PCED1B: variants seen among roughly 807,000 people sequenced by gnomAD.
PCED1B encodes PC-esterase domain-containing protein 1B.
For synonymous variants in PCED1B, 251 were observed against 246.1 expected (o/e 1.02, Z -0.19); for missense variants, 573 against 573.9 (o/e 1.00, Z 0.02).
At position 47,235,553 on chromosome 12, in the gene PCED1B, A is replaced by T. The variant is rs1339693639; in HGVS notation, c.490A>T (p.Thr164Ser). Residue 164 changes from threonine to serine, a missense_variant, in exon 4 of 4, where the codon ACG becomes TCG. Transcript: ENST00000546455. ...CGAGTCTTGCCTCCTGGTGTGGAAC[A>T]CGGCCATGCCTGTGGGCGAGGAAGT... ...LPESCLLVWN[T>S]AMPVGEEVTG... The T allele has an allele frequency of 6.2e-7, 1 of 1,610,504 alleles. No homozygotes were observed.
At chr12:47,217,477 AAAG>A (rs1324899710) in intron 3 of PCED1B, among the ~76,000 whole-genome samples, 1 of 110,866 alleles carries the variant, frequency 9.0e-6, no homozygotes, top group East Asian at 2.3e-4. Flanking sequence ...AAAGAGAAAG[AAAG>A]AAAGAAAGAA....
intron 2 of PCED1B, among the ~76,000 whole-genome samples, chr12:47,176,233 T>A (rs1303572636): frequency 6.6e-6 from 1 of 152,198 alleles, no homozygotes; most frequent in African/African-American, 2.4e-5. Context: ...CTAAAACCCT[T>A]GTAATTTCCT....
intron 3 of PCED1B, among the ~76,000 whole-genome samples, chr12:47,233,521 G>C (rs1189157810): frequency 6.6e-6 from 1 of 152,228 alleles, no homozygotes; most frequent in Non-Finnish European, 1.5e-5. Flanking sequence ...GAATTGTGGG[G>C]AAGTGACTGG....
chr12:47,172,735 G>A (rs538278276), intron 2 of PCED1B, among the ~76,000 whole-genome samples: 1 of 152,270 alleles, frequency 6.6e-6, no homozygotes, highest in African/African-American at 2.4e-5. Context: ...GATCATATGT[G>A]TAAAAGATAA....
chr12:47,112,698 G>A (rs1939251032), intron 2 of PCED1B, among the ~76,000 whole-genome samples: 1 of 152,172 alleles, frequency 6.6e-6, no homozygotes, highest in Non-Finnish European at 1.5e-5. Flanking sequence ...TAAAAACTCT[G>A]TAAGGTCACA....
chr12:47,229,832 C>T (rs528528909), intron 3 of PCED1B, among the ~76,000 whole-genome samples: 7 of 147,350 alleles, frequency 4.8e-5, no homozygotes, highest in South Asian at 2.2e-4. Context: ...TGCAGTGGCG[C>T]GATCTTGGCT....
At chr12:47,109,880 A>G (rs1939116752) in intron 2 of PCED1B, among the ~76,000 whole-genome samples, 1 of 152,230 alleles carries the variant, frequency 6.6e-6, no homozygotes. Flanking sequence ...ATATGGAACC[A>G]AGAATGGGAA....
rs1942029796 is a variant in PCED1B, at chr12:47,179,521, G to A, written c.-525-36701G>A. ...AGTTAATCAACTTTCCTTTTAAAAT[G>A]CAGTATTTTGTCAGCATATTTCTAA... On this transcript the variant is annotated intron_variant, in intron 2 of 3. Transcript: ENST00000546455. 2.0e-5 allele frequency among the ~76,000 whole-genome samples: 3 copies of A among 152,262 alleles called. No homozygotes were observed. The East Asian group carries it at 5.8e-4, about 29-fold the overall frequency.
chr12:47,226,595 G>C (rs1214385794), intron 3 of PCED1B, among the ~76,000 whole-genome samples: 1 of 152,120 alleles, frequency 6.6e-6, no homozygotes, highest in Non-Finnish European at 1.5e-5. Context: ...GGCTGGTCTT[G>C]AACTCCTGAT....
At chr12:47,144,021 C>T (rs1332467264) in intron 2 of PCED1B, among the ~76,000 whole-genome samples, 1 of 152,184 alleles carries the variant, frequency 6.6e-6, no homozygotes, top group Non-Finnish European at 1.5e-5. Flanking sequence ...AAATTTTTAT[C>T]AGGGACCCCA....
intron 2 of PCED1B, among the ~76,000 whole-genome samples, chr12:47,207,389 C>T (rs532930677): frequency 6.6e-6 from 1 of 151,932 alleles, no homozygotes; most frequent in Non-Finnish European, 1.5e-5. Context: ...AGAGGAAGCC[C>T]TGTGCCACCT....
At chr12:47,233,542 G>T (rs556163538) in intron 3 of PCED1B, among the ~76,000 whole-genome samples, 1 of 152,320 alleles carries the variant, frequency 6.6e-6, no homozygotes, top group African/African-American at 2.4e-5. Flanking sequence ...GAAATAAATG[G>T]GGGGAGCTCA....
At chr12:47,197,018 T>TA (rs1229233625) in intron 2 of PCED1B, among the ~76,000 whole-genome samples, 287 of 142,658 alleles carry the variant, frequency 2.0e-3, no homozygotes, top group African/African-American at 3.9e-3. Context: ...GCAGTTTATT[T>TA]AAAAAAAAAA....
chr12:47,177,025 CA>C (rs1941946121), intron 2 of PCED1B, among the ~76,000 whole-genome samples: 1 of 152,162 alleles, frequency 6.6e-6, no homozygotes, highest in South Asian at 2.1e-4. Flanking sequence ...AGAGAGAAAA[CA>C]AAAGGACTGT....
chr12:47,209,867 C>CT (rs1565602792), intron 2 of PCED1B: 1 of 152,142 alleles, frequency 6.6e-6, no homozygotes, highest in African/African-American at 2.4e-5. Context: ...GTTTAGAGAA[C>CT]GGATTGGAAG....
chr12:47,097,778 G>C (rs1938541015), intron 1 of PCED1B, among the ~76,000 whole-genome samples: 1 of 152,116 alleles, frequency 6.6e-6, no homozygotes, highest in Non-Finnish European at 1.5e-5. Flanking sequence ...ACAGTTTTCG[G>C]ATGAATGAAT....
intron 1 of PCED1B, among the ~76,000 whole-genome samples, chr12:47,086,317 A>G (rs1002181823): frequency 2.7e-5 from 4 of 150,788 alleles, no homozygotes; most frequent in Non-Finnish European, 4.4e-5. Context: ...ACAACTAAAA[A>G]GATTTTTCCT....
rs1246384066 is a variant in PCED1B, at chr12:47,125,651, T to G, written c.-526+21456T>G. Among the ~76,000 whole-genome samples, 4 of 152,078 alleles carry G rather than the reference T, an allele frequency of 2.6e-5. No individual in the cohort carries two copies. In the East Asian group the frequency reaches 7.7e-4, roughly 29 times the overall value. The stretch of plus-strand genomic sequence containing the variant: ...TTCTGAACCATAAACGTGGTATATC[T>G]TTACACTTATTTAGATCTTTAACTT... On this transcript the variant is annotated intron_variant, in intron 2 of 3. Coordinates refer to ENST00000546455, the MANE Select transcript of PCED1B (RefSeq NM_138371.3).
At chr12:47,181,596 A>G (rs960888451) in intron 2 of PCED1B, among the ~76,000 whole-genome samples, 1 of 151,978 alleles carries the variant, frequency 6.6e-6, no homozygotes, top group African/African-American at 2.4e-5. Context: ...TGAACTCCCA[A>G]CCTCAGGTGA....
Sources: allele counts gnomAD v4.1 joint callset (sites outside exome capture counted in the v4.1 genomes callset), GRCh38; gene constraint gnomAD v4.1.1; transcripts MANE v1.5; gene names NCBI Gene and HGNC (gene_info 2026-07-23, HGNC 2026-07-21).